STK40: variants seen among roughly 807,000 people sequenced by gnomAD.
The protein encoded by STK40 is serine/threonine kinase 40.
STK40 carries 13 observed loss-of-function variants against 47.9 expected under a neutral mutation model. The observed-to-expected ratio is 0.27, with a 90% CI of 0.18 to 0.43. STK40 has a LOEUF of 0.43. Ranked by LOEUF, STK40 falls within the 20% of genes least tolerant of loss-of-function variation. The pLI is 1.00. For missense variants in STK40, 460 were observed against 595.1 expected, an observed-to-expected ratio of 0.77 and a Z score of 2.36; for synonymous variants, 225 against 243.2, an observed-to-expected ratio of 0.93 and a Z score of 0.69.
chr1:36,379,165 T>TA (rs1279471113), intron 1 of STK40, among the ~76,000 whole-genome samples: 1 of 152,198 alleles, frequency 6.6e-6, no homozygotes, highest in Non-Finnish European at 1.5e-5. Flanking sequence ...AGGCTGAAGA[T>TA]CTTCTATCTC....
In STK40 at chr1:36,341,562, C is replaced by T. The variant is rs1027861573; in HGVS notation, c.*193G>A. ...TTCTCAGATTTAAAAACCAAACAAT[C>T]GAGCAATCATCCCAAAAGGTAGCTT... On this transcript the variant is annotated 3_prime_UTR_variant, in exon 11 of 11. Transcript: ENST00000373132. The T allele has an allele frequency of 6.0e-5, 37 of 617,766 alleles. No homozygotes were observed. Among genetic ancestry groups the T allele is most frequent in the Non-Finnish European group, 8.5e-5 (30 of 354,214 alleles). 38.3% of individuals were successfully genotyped at this position (617,766 alleles called of 1,614,324 possible).
In STK40 at chr1:36,344,116, T is replaced by C; in HGVS notation, c.884+4A>G. On this transcript the variant is annotated splice_donor_region_variant and intron_variant, in intron 8 of 10. Coordinates refer to ENST00000373132, the MANE Select transcript of STK40 (RefSeq NM_001282547.2). ...CCCCCCACCCCCCGGGAGGCAGGAC[T>C]CACTCAGGAATGGTATACTCGGCAG... 5 of 1,535,072 alleles carry C rather than the reference T, an allele frequency of 3.3e-6. No homozygotes were observed. The highest frequency in any genetic ancestry group is 4.4e-6 in the Non-Finnish European group (5 of 1,134,390).
At chr1:36,364,214 G>A (rs1646882044) in intron 1 of STK40, among the ~76,000 whole-genome samples, 1 of 152,094 alleles carries the variant, frequency 6.6e-6, no homozygotes, top group South Asian at 2.1e-4. Flanking sequence ...TCTCCCTCTG[G>A]ATAAATTCCA....
intron 1 of STK40, among the ~76,000 whole-genome samples, chr1:36,379,213 A>AG (rs1014776970): frequency 6.6e-6 from 1 of 152,090 alleles, no homozygotes; most frequent in Non-Finnish European, 1.5e-5. Context: ...ACATATTTAG[A>AG]GGGGACAGCT....
rs2124728603 is a variant in STK40, at chr1:36,348,811, G to T, written c.628C>A (p.His210Asn). Reference sequence around the variant, plus strand: ...CAGAAGTTGGTGATGGTTATCCGATGTGTCCTAGGAGTGGGAGACAGAGTG... The same window carrying T: ...CAGAAGTTGGTGATGGTTATCCGATTTGTCCTAGGAGTGGGAGACAGAGTG... The part of the protein sequence containing the change: ...LGNMVLNKRT[H>N]RITITNFCLG... Residue 210 changes from histidine (H) to asparagine (N), a missense_variant, in exon 7 of 11, where the codon CAT becomes AAT. Physicochemically the swap from His to Asn is moderately conservative, Grantham distance 68 (BLOSUM62 1). This residue lies in a region of STK40 where 277 missense variants were observed against 358.7 expected (regional missense o/e 0.77). Transcript: ENST00000373132. 2 of 1,602,536 alleles carry T rather than the reference G, an allele frequency of 1.2e-6. No homozygotes were observed. The highest frequency in any genetic ancestry group is 4.5e-5 in the East Asian group (2 of 44,286).
intron 2 of STK40, among the ~76,000 whole-genome samples, chr1:36,359,733 C>T (rs1042300471): frequency 6.6e-6 from 1 of 152,184 alleles, no homozygotes; most frequent in Non-Finnish European, 1.5e-5. Flanking sequence ...CTTAACATAC[C>T]ACCCAAACTC....
rs749896737 is a variant in STK40, at chr1:36,354,427, A to G, written c.571-11T>C. 5 of 1,613,952 alleles carry G rather than the reference A, an allele frequency of 3.1e-6. No individual in the cohort carries two copies. Among genetic ancestry groups the G allele is most frequent in the South Asian group, 1.1e-5 (1 of 91,074 alleles). ...GTGCACGATATTTTTCTGTAAAACA[A>G]CAGGCGTATGGTTTACATTGTCAAT... On this transcript the variant is annotated splice_polypyrimidine_tract_variant and intron_variant, in intron 5 of 10. Coordinates refer to ENST00000373132, the MANE Select transcript of STK40 (RefSeq NM_001282547.2).
chr1:36,344,598 G>C (rs1449720918), intron 7 of STK40, among the ~76,000 whole-genome samples: 1 of 152,214 alleles, frequency 6.6e-6, no homozygotes, highest in African/African-American at 2.4e-5. Flanking sequence ...CAGATAACTA[G>C]CTGGCTCCAG....
At position 36,384,978 on chromosome 1, in the gene STK40, C is replaced by T. The variant is rs147189206; in HGVS notation, c.-9+745G>A. The stretch of plus-strand genomic sequence containing the variant: ...GACTTAAAACAGAGCAAAGTCTATC[C>T]TGCCACACAGAGGGCGGCTGTCATC... On this transcript the variant is annotated intron_variant, in intron 1 of 10. Coordinates refer to ENST00000373132, the MANE Select transcript of STK40 (RefSeq NM_001282547.2). 1.6e-4 allele frequency among the ~76,000 whole-genome samples: 25 copies of T among 152,356 alleles called. 1 individual carries two copies. In the East Asian group the frequency reaches 4.8e-3, roughly 29 times the overall value.
chr1:36,362,147 G>A (rs138039942), intron 1 of STK40, among the ~76,000 whole-genome samples: 147 of 152,234 alleles, frequency 9.7e-4, no homozygotes, highest in African/African-American at 3.2e-3. Context: ...AATGAAAGGC[G>A]GACATTGGGG....
chr1:36,344,863 A>C (rs1387178828), intron 7 of STK40, among the ~76,000 whole-genome samples: 1 of 152,226 alleles, frequency 6.6e-6, no homozygotes, highest in Non-Finnish European at 1.5e-5. Context: ...TCATCTGTAA[A>C]GCGAAAAGGA....
At chr1:36,377,242 G>T (rs574489079) in intron 1 of STK40, among the ~76,000 whole-genome samples, 18 of 151,924 alleles carry the variant, frequency 1.2e-4, no homozygotes, top group Non-Finnish European at 1.9e-4. Flanking sequence ...GAATTATTAA[G>T]AGTAGTAGTG....
Position 36,355,190 on chromosome 1 carries a change from C to CA in STK40, c.570+15dup, listed in dbSNP as rs2124733871. ...TTTCTGTGGCCAGAAGGCGCAGCAG[C>CA]AGGGTGTGGCCTCACCTGGTGCAGG... On this transcript the variant is annotated intron_variant, in intron 5 of 10. Coordinates refer to ENST00000373132, the MANE Select transcript of STK40 (RefSeq NM_001282547.2). 6.2e-7 allele frequency: 1 copy of CA among 1,612,046 alleles called. No individual in the cohort carries two copies. Among genetic ancestry groups the CA allele is most frequent in the Admixed American group, 1.7e-5 (1 of 60,014 alleles).
At position 36,341,488 on chromosome 1, in the gene STK40, C is replaced by T; in HGVS notation, c.*267G>A. The T allele has an allele frequency of 2.0e-6, 1 of 488,200 alleles. No homozygotes were observed. The highest frequency in any genetic ancestry group is 3.7e-6 in the Non-Finnish European group (1 of 266,794). The allele number at this position is 488,200 out of a possible 1,614,324, so 30.2% of individuals were successfully genotyped here. A position where few individuals can be genotyped will look rare whatever the true frequency, so the allele number is the denominator to read the frequency against. On this transcript the variant is annotated 3_prime_UTR_variant, in exon 11 of 11. Coordinates refer to ENST00000373132, the MANE Select transcript of STK40 (RefSeq NM_001282547.2). ...TCCAGAGACAGCATGGTTAAAGAGA[C>T]AGAGGTAGATTAAAACATCGTGATT...
chr1:36,371,913 G>A (rs2124747898), intron 1 of STK40, among the ~76,000 whole-genome samples: 1 of 150,288 alleles, frequency 6.7e-6, no homozygotes, highest in East Asian at 2.0e-4. Context: ...CAGGAGAATT[G>A]CTTGAACCTG....
intron 6 of STK40, among the ~76,000 whole-genome samples, chr1:36,352,573 AACTC>A (rs1420753300): frequency 2.0e-5 from 3 of 152,114 alleles, no homozygotes; most frequent in African/African-American, 7.2e-5. Context: ...CGTCCTCCTC[AACTC>A]ACTCACTCAG....
chr1:36,380,851 G>T (rs1347047907), intron 1 of STK40, among the ~76,000 whole-genome samples: 1 of 152,166 alleles, frequency 6.6e-6, no homozygotes, highest in Non-Finnish European at 1.5e-5. Context: ...TCCAGACAGG[G>T]GTCTACAAGA....
intron 1 of STK40, among the ~76,000 whole-genome samples, chr1:36,365,128 TTACAG>T (rs1206884016): frequency 2.0e-5 from 3 of 152,056 alleles, no homozygotes; most frequent in African/African-American, 7.2e-5. Flanking sequence ...GTAGCTGGGA[TTACAG>T]GCATGTGCCA....
At chr1:36,343,133 T>C (rs1461897854) in intron 10 of STK40, 3 of 662,590 alleles carry the variant, frequency 4.5e-6, no homozygotes, top group Non-Finnish European at 8.3e-6. Context: ...CCAGCTCGGC[T>C]GTCTCACAGG....
Sources: gnomAD v4.1 joint callset for allele counts (sites outside exome capture counted in the v4.1 genomes callset) on GRCh38, gnomAD v4.1.1 for gene constraint, gnomAD v4.1.1 regional missense constraint, MANE v1.5 for transcripts, NCBI Gene and HGNC (gene_info 2026-07-23, HGNC 2026-07-21) for gene names.